The following DACH2 variants were observed in gnomAD, a reference collection of about 807,000 sequenced individuals.
DACH2 encodes the protein dachshund family transcription factor 2, also known as dachshund homolog 2.
A neutral mutation model predicts 35.8 loss-of-function variants in DACH2; 17 were observed. The observed-to-expected ratio is 0.48, with a 90% CI of 0.33 to 0.71. The LOEUF is 0.71. Among genes scored for constraint, DACH2 ranks in the 30% least tolerant of loss-of-function variants. The pLI, the probability that DACH2 is intolerant of heterozygous loss-of-function variation, is 0.02. For synonymous variants in DACH2, 195 were observed against 177.3 expected (o/e 1.10, Z -0.79); for missense variants, 469 against 472.7 (o/e 0.99, Z 0.07).
At chrX:86,551,897 G>C (rs1163243195) in intron 3 of DACH2, among the ~76,000 whole-genome samples, 1 of 111,542 alleles carries the variant, frequency 9.0e-6, no homozygotes, top group African/African-American at 3.3e-5. Context: ...GTGTTTCTTG[G>C]TTCTCTGTCA....
intron 1 of DACH2, among the ~76,000 whole-genome samples, chrX:86,286,713 C>A (rs964494896): frequency 2.0e-5 from 2 of 98,111 alleles, no homozygotes; most frequent in Admixed American, 2.4e-4. Context: ...ACACTGTTTG[C>A]GTAAACTTGC....
intron 2 of DACH2, among the ~76,000 whole-genome samples, chrX:86,512,597 G>A (rs962088780): frequency 2.0e-4 from 22 of 111,846 alleles, no homozygotes; most frequent in African/African-American, 5.8e-4. Flanking sequence ...TGTTTACAGC[G>A]GACAAATACA....
intron 1 of DACH2, among the ~76,000 whole-genome samples, chrX:86,374,001 G>C (rs1201025698): frequency 2.7e-5 from 3 of 110,695 alleles, no homozygotes; most frequent in Non-Finnish European, 3.8e-5. Flanking sequence ...ATCCTAAAAG[G>C]ACCTAAATAC....
chrX:86,394,866 T>C (rs1299425862), intron 2 of DACH2, among the ~76,000 whole-genome samples: 1 of 111,974 alleles, frequency 8.9e-6, no homozygotes, highest in Non-Finnish European at 1.9e-5. Flanking sequence ...AACTTTGATA[T>C]GAGACATTCT....
At chrX:86,376,731 T>C (rs2035973385) in intron 1 of DACH2, 93 bp from the exon 2 acceptor site, 2 of 1,057,802 alleles carry the variant, frequency 1.9e-6, no homozygotes, top group African/African-American at 1.9e-5. Context: ...TTTTGTGAAA[T>C]ATAATAAAGC....
At position 86,529,946 on chromosome X, in the gene DACH2, T is replaced by TACAC. The variant is rs779572561; in HGVS notation, c.640+15582_640+15585dup. Among the ~76,000 whole-genome samples the TACAC allele has an allele frequency of 1.5e-3, 118 of 79,091 alleles. 1 individual carries two copies. In the South Asian group the frequency reaches 0.022, roughly 15 times the overall value. 68.7% of individuals were successfully genotyped at this position (79,091 alleles called of 115,157 possible). On this transcript the variant is annotated intron_variant, in intron 3 of 11. Coordinates refer to ENST00000373125, the MANE Select transcript of DACH2 (RefSeq NM_053281.3). ...TGGTCAAATAGTATTCCATTGTACA[T>TACAC]ACACACACACACACACACACACACA...
intron 7 of DACH2, among the ~76,000 whole-genome samples, chrX:86,787,174 G>A (rs763652147): frequency 9.0e-6 from 1 of 111,332 alleles, no homozygotes; most frequent in East Asian, 2.8e-4. Flanking sequence ...CTTTAAAGAG[G>A]GATTGAAAAA....
At chrX:86,297,237 G>A (rs1445516256) in intron 1 of DACH2, among the ~76,000 whole-genome samples, 1 of 110,114 alleles carries the variant, frequency 9.1e-6, no homozygotes, top group African/African-American at 3.3e-5. Context: ...TCTTTCCAAA[G>A]GCCAAGGGAC....
intron 2 of DACH2, among the ~76,000 whole-genome samples, chrX:86,464,008 A>T (rs1326352948): frequency 1.8e-5 from 2 of 111,809 alleles, no homozygotes; most frequent in Non-Finnish European, 3.8e-5. Context: ...ATCATTAAAA[A>T]GTCAAGAAAC....
chrX:86,423,200 G>A (rs761782945), intron 2 of DACH2, among the ~76,000 whole-genome samples: 16 of 110,851 alleles, frequency 1.4e-4, no homozygotes, highest in East Asian at 1.4e-3. Context: ...GGGAGATTGC[G>A]GAATAATATG....
At chrX:86,261,396 A>T (rs1163585696) in intron 1 of DACH2, among the ~76,000 whole-genome samples, 1 of 112,032 alleles carries the variant, frequency 8.9e-6, no homozygotes, top group Non-Finnish European at 1.9e-5. Flanking sequence ...TAAAGCAAAC[A>T]GAAAATTTCA....
chrX:86,793,459 G>A (rs1387811432), intron 7 of DACH2, among the ~76,000 whole-genome samples: 1 of 111,492 alleles, frequency 9.0e-6, no homozygotes, highest in African/African-American at 3.3e-5. Flanking sequence ...GATGTGGGAA[G>A]TGCCATTTTA....
At chrX:86,564,121 G>A (rs2039263685) in intron 3 of DACH2, among the ~76,000 whole-genome samples, 1 of 110,412 alleles carries the variant, frequency 9.1e-6, no homozygotes, top group African/African-American at 3.3e-5. Context: ...CCTCAAATAT[G>A]GTATAAAATC....
intron 3 of DACH2, among the ~76,000 whole-genome samples, chrX:86,529,796 A>G (rs1254932096): frequency 9.0e-6 from 1 of 111,100 alleles, no homozygotes; most frequent in Non-Finnish European, 1.9e-5. Context: ...TAGCTCCCTC[A>G]TATGAGTGAG....
intron 2 of DACH2, among the ~76,000 whole-genome samples, chrX:86,456,980 A>G (rs1393891128): frequency 9.0e-6 from 1 of 111,411 alleles, no homozygotes; most frequent in Admixed American, 9.6e-5. Flanking sequence ...GTTTTCTTGT[A>G]TGTCTGATGT....
At chrX:86,441,871 ATATATATATATAT>A (rs2037169121) in intron 2 of DACH2, among the ~76,000 whole-genome samples, 1 of 71,297 alleles carries the variant, frequency 1.4e-5, no homozygotes, top group Non-Finnish European at 2.7e-5. Flanking sequence ...GTGTGTGTGT[ATATATATATATAT>A]ATATGTATAT....
intron 3 of DACH2, among the ~76,000 whole-genome samples, chrX:86,530,802 G>A (rs1213574446): frequency 8.9e-6 from 1 of 111,890 alleles, no homozygotes; most frequent in Non-Finnish European, 1.9e-5. Flanking sequence ...AAGAAGACAG[G>A]AAGATGAGGT....
intron 1 of DACH2, among the ~76,000 whole-genome samples, chrX:86,150,937 C>A (rs766515888): frequency 1.8e-5 from 2 of 111,354 alleles, no homozygotes; most frequent in Non-Finnish European, 3.8e-5. Flanking sequence ...TCTCTTCCCC[C>A]TCTCCCATCT....
intron 2 of DACH2, among the ~76,000 whole-genome samples, chrX:86,452,565 GTTCAGAAATTTA>G (rs1157288006): frequency 9.0e-6 from 1 of 110,955 alleles, no homozygotes; most frequent in Non-Finnish European, 1.9e-5. Flanking sequence ...GGGTGTATGT[GTTCAGAAATTTA>G]TTCATTTCAT....
Sources: allele counts gnomAD v4.1 joint callset (sites outside exome capture counted in the v4.1 genomes callset), GRCh38; gene constraint gnomAD v4.1.1; transcripts MANE v1.5; gene names NCBI Gene and HGNC (gene_info 2026-07-23, HGNC 2026-07-21).